The following CFAP65 variants were observed in gnomAD, a reference collection of about 807,000 sequenced individuals.
The protein encoded by CFAP65 is cilia- and flagella-associated protein 65.
In CFAP65, 155 loss-of-function variants were observed where a neutral mutation model predicts 208.0. The ratio of observed to expected loss-of-function variants is 0.75; its 90% confidence interval spans 0.65 to 0.85. CFAP65 has a LOEUF of 0.85. CFAP65 is among the 40% of genes least tolerant of loss of function. The pLI is 0.00. For synonymous variants in CFAP65, 970 were observed against 986.3 expected (o/e 0.98, Z 0.31); for missense variants, 2,294 against 2,451.3 (o/e 0.94, Z 1.36).
At position 219,035,599 on chromosome 2, in the gene CFAP65, G is replaced by C; in HGVS notation, c.423C>G (p.Val141=). ...CCTCAGCCACCTCAATGCCCCAGAT[G>C]ACCCTCTTGTTCACTCTCTCCTGCT... ...PKKQERVNKR[V]IWGIEVAEEL... The change falls in exon 5 of 35, where the codon GTC becomes GTG. Residue 141 remains valine, a synonymous_variant. Transcript: ENST00000341552. 6.2e-7 allele frequency: 1 copy of C among 1,613,982 alleles called. No individual in the cohort carries two copies. The highest frequency in any genetic ancestry group is 8.5e-7 in the Non-Finnish European group (1 of 1,179,984).
rs183602325 is a variant in CFAP65, at chr2:219,006,200, C to A, written c.4743G>T (p.Gln1581His). The A allele has an allele frequency of 8.7e-6, 14 of 1,608,902 alleles. 1 individual carries two copies. In the East Asian group the frequency reaches 2.9e-4, roughly 33 times the overall value. ...AGCTGGCAGGCCGGCTGACAGACTGCTGGTTCTTGATGGGAGGCAGTGTCT... is the reference window on the plus strand; with the variant it reads ...AGCTGGCAGGCCGGCTGACAGACTGATGGTTCTTGATGGGAGGCAGTGTCT... ...KYKTLPPIKN[Q>H]QSVSRPASWK... Residue 1581 changes from glutamine to histidine, a missense_variant, in exon 31 of 35, where the codon CAG (glutamine) becomes CAT (histidine). Around this residue, in one of 2 missense-constraint regions of CFAP65, gnomAD observed 1,427 missense variants for 1,438.7 expected, o/e 0.99. Coordinates refer to ENST00000341552, the MANE Select transcript of CFAP65 (RefSeq NM_194302.4).
rs1948491353 is a variant in CFAP65, at chr2:219,038,441, T to C, written c.291A>G (p.Thr97=). 1.9e-6 allele frequency: 3 copies of C among 1,614,020 alleles called. No homozygotes were observed. The highest frequency in any genetic ancestry group is 2.5e-6 in the Non-Finnish European group (3 of 1,180,026). The part of the protein sequence containing the change: ...NSGGSCLSAS[T]VAIPAINDSS... ...TGTCGTTGATGGCAGGGATGGCCAC[T>C]GTGCTGGCACTCAGGCAGGATCCAC... The change falls in exon 4 of 35, where the codon ACA becomes ACG. Residue 97 remains threonine, a synonymous_variant. Coordinates refer to ENST00000341552, the MANE Select transcript of CFAP65 (RefSeq NM_194302.4).
At position 219,010,955 on chromosome 2, in the gene CFAP65, A is replaced by G. The variant is rs1475435740; in HGVS notation, c.3999T>C (p.Tyr1333=). Residue 1333 remains tyrosine (Y), a synonymous_variant, in exon 25 of 35, where the codon TAT becomes TAC. Transcript: ENST00000341552. ...LYNGGSVPVT[Y]EVQTDVLSQV... is the part of the protein sequence containing the mutation. ...GTGACAGGACATCGGTCTGGACCTC[A>G]TATGTCACGGGCACTGAGCCACCAT... 2 of 1,613,548 alleles carry G rather than the reference A, an allele frequency of 1.2e-6. No homozygotes were observed. The highest frequency in any genetic ancestry group is 1.7e-6 in the Non-Finnish European group (2 of 1,179,870).
At chr2:219,025,673 G>A (rs959360202) in intron 14 of CFAP65, among the ~76,000 whole-genome samples, 8 of 152,154 alleles carry the variant, frequency 5.3e-5, no homozygotes, top group African/African-American at 1.4e-4. Flanking sequence ...CCCTGGGCCC[G>A]AGCCCAGGAC....
chr2:219,023,744 G>A (rs1375910614), intron 15 of CFAP65, among the ~76,000 whole-genome samples: 2 of 152,234 alleles, frequency 1.3e-5, no homozygotes, highest in Admixed American at 6.5e-5. Flanking sequence ...ACCTGCAGGT[G>A]TCTTTTGCCT....
chr2:219,029,672 G>A lies in CFAP65; in HGVS notation c.1385-4C>T, dbSNP rs770806715. ...TGCTGCAGGGACACAGCAGGGCCTGGACACAGGAGATGGGGTATCAGCTTC... is the reference window on the plus strand; with the variant it reads ...TGCTGCAGGGACACAGCAGGGCCTGAACACAGGAGATGGGGTATCAGCTTC... On this transcript the variant is annotated splice_region_variant and splice_polypyrimidine_tract_variant and intron_variant, in intron 10 of 34. Transcript: ENST00000341552. 9.3e-6 allele frequency: 15 copies of A among 1,611,718 alleles called. No homozygotes were observed. The Admixed American group carries it at 2.2e-4, about 23-fold the overall frequency.
At chr2:219,022,839 G>A (rs1947357002) in intron 16 of CFAP65, among the ~76,000 whole-genome samples, 1 of 152,192 alleles carries the variant, frequency 6.6e-6, no homozygotes, top group Admixed American at 6.5e-5. Context: ...CACCCTCACT[G>A]GTGGCTGGCC....
In CFAP65 at chr2:219,038,361, G is replaced by A; in HGVS notation, c.357+14C>T. 1 of 1,610,328 alleles carries A rather than the reference G, an allele frequency of 6.2e-7. No individual in the cohort carries two copies. On this transcript the variant is annotated intron_variant, in intron 4 of 34. Transcript: ENST00000341552. ...TGCCACACCCTGCTCTGCCTGCCCTGGCTGTATCCTTACCTGGGCGCTGAT... is the reference window on the plus strand; with the variant it reads ...TGCCACACCCTGCTCTGCCTGCCCTAGCTGTATCCTTACCTGGGCGCTGAT...
intron 14 of CFAP65, among the ~76,000 whole-genome samples, chr2:219,025,030 A>T (rs1190014933): frequency 6.6e-6 from 1 of 152,016 alleles, no homozygotes; most frequent in Non-Finnish European, 1.5e-5. Flanking sequence ...AGCTCCCAAC[A>T]CTCTTCAGGT....
intron 11 of CFAP65, 43 bp from the exon 12 acceptor site, chr2:219,028,444 T>A: frequency 6.5e-7 from 1 of 1,544,224 alleles, no homozygotes. Context: ...GGAGGGGTGG[T>A]AGGGCAAGGG....
At position 219,029,452 on chromosome 2, in the gene CFAP65, G is replaced by C. The variant is rs760285021; in HGVS notation, c.1601C>G (p.Thr534Ser). ...RMTLHCAFQP[T>S]HPIICFRRVA... ...ACGCCGAAAGCAGATGATGGGGTGA[G>C]TGGGCTGGAAGGCACAGTGCAGGGT... Residue 534 changes from threonine to serine, a missense_variant, in exon 11 of 35, where the codon ACT (threonine) becomes AGT (serine). By Grantham distance (58) the Thr-to-Ser change is moderately conservative. Transcript: ENST00000341552. 13 of 1,614,124 alleles carry C rather than the reference G, an allele frequency of 8.1e-6. No individual in the cohort carries two copies. The highest frequency in any genetic ancestry group is 1.1e-5 in the Non-Finnish European group (13 of 1,180,004).
chr2:219,009,627 G>A (rs1946294671), intron 27 of CFAP65, among the ~76,000 whole-genome samples, 167 bp from the exon 28 acceptor site: 1 of 120,634 alleles, frequency 8.3e-6, no homozygotes, highest in Admixed American at 7.6e-5. Context: ...GGAATGGGAT[G>A]GGATGGGATG....
intron 19 of CFAP65, 45 bp from the exon 20 acceptor site, chr2:219,019,764 C>G: frequency 1.3e-6 from 2 of 1,560,728 alleles, no homozygotes; most frequent in Non-Finnish European, 1.8e-6. Context: ...TGCCTCCCAC[C>G]TTCCCTGGAG....
At chr2:219,035,717 G>A in intron 4 of CFAP65, 53 bp from the exon 5 acceptor site, 2 of 1,548,862 alleles carry the variant, frequency 1.3e-6, no homozygotes, top group South Asian at 1.3e-5. Context: ...CAGCAGGGTG[G>A]GATGCCAAGA....
rs148172420 is a variant in CFAP65, at chr2:219,029,575, G to A, written c.1478C>T (p.Ser493Leu). The A allele has an allele frequency of 1.2e-5, 19 of 1,614,012 alleles. No homozygotes were observed. Among genetic ancestry groups the A allele is most frequent in the East Asian group, 6.7e-5 (3 of 44,870 alleles). ...AAACTGGAAGTGGGCCGTGCAGTCC[G>A]ATTGGTTCTCAATCCACAGGGGCTG... ...SEQPLWIENQSDCTAHFQFAI... is the reference protein window; with the variant it reads ...SEQPLWIENQLDCTAHFQFAI... Residue 493 changes from serine (S) to leucine (L), a missense_variant, in exon 11 of 35, where the codon TCG becomes TTG. Transcript: ENST00000341552.
chr2:219,024,031 G>C lies in CFAP65; in HGVS notation c.2579C>G (p.Ser860Cys), dbSNP rs184246822. Residue 860 changes from serine to cysteine, a missense_variant, in exon 15 of 35, where the codon TCC (serine) becomes TGC (cysteine). Physicochemically the swap from Ser to Cys is moderately radical, Grantham distance 112. Coordinates refer to ENST00000341552, the MANE Select transcript of CFAP65 (RefSeq NM_194302.4). ...QHTFYLQCNA[S>C]PQYLKEVSMY... Reference sequence around the variant, plus strand: ...GCCTCCTACCTTGAGATACTGGGGGGAAGCATTGCACTGCAGATAGAAAGT... The same window carrying C: ...GCCTCCTACCTTGAGATACTGGGGGCAAGCATTGCACTGCAGATAGAAAGT... The C allele has an allele frequency of 4.9e-5, 79 of 1,613,674 alleles. No individual in the cohort carries two copies. The African/African-American group carries it at 9.6e-4, about 20-fold the overall frequency.
At chr2:219,023,873 C>A (rs1947436528) in intron 15 of CFAP65, 142 bp downstream of exon 15, 1 of 1,056,200 alleles carries the variant, frequency 9.5e-7, no homozygotes, top group Non-Finnish European at 1.4e-6. Flanking sequence ...CAAGCAGGTT[C>A]TTTCCCTACT....
intron 20 of CFAP65, 151 bp downstream of exon 20, chr2:219,019,355 C>A: frequency 9.7e-7 from 1 of 1,034,182 alleles, no homozygotes; most frequent in South Asian, 1.7e-5. Context: ...CTTCCCTGGG[C>A]CCCTCCAGGG....
chr2:219,038,492 G>A lies in CFAP65; in HGVS notation c.240C>T (p.Asn80=). Residue 80 remains asparagine, a synonymous_variant, in exon 4 of 35, where the codon AAC becomes AAT. Coordinates refer to ENST00000341552, the MANE Select transcript of CFAP65 (RefSeq NM_194302.4). ...QAPSSVVRSR[N]SRNHTVNSGG... The stretch of plus-strand genomic sequence containing the variant: ...CAGAGTTCACGGTGTGGTTCCTGCT[G>A]TTCCTGGACCTCACGACGGAGCTTG... The A allele has an allele frequency of 6.2e-7, 1 of 1,614,168 alleles. No homozygotes were observed. The highest frequency in any genetic ancestry group is 8.5e-7 in the Non-Finnish European group (1 of 1,180,044).
Sources: gnomAD v4.1 joint callset for allele counts (sites outside exome capture counted in the v4.1 genomes callset) on GRCh38, gnomAD v4.1.1 for gene constraint, gnomAD v4.1.1 regional missense constraint, MANE v1.5 for transcripts, NCBI Gene and HGNC (gene_info 2026-07-23, HGNC 2026-07-21) for gene names.